DPYD: variants seen among roughly 807,000 people sequenced by gnomAD.
DPYD encodes dihydropyrimidine dehydrogenase, also known as dihydropyrimidine dehydrogenase [NADP(+)].
Under a neutral mutation model 116.2 loss-of-function variants are expected in DPYD, and 109 were observed. The ratio of observed to expected loss-of-function variants is 0.94; its 90% confidence interval spans 0.80 to 1.10. The LOEUF (loss-of-function observed/expected upper bound fraction) is 1.10. Among genes scored for constraint, DPYD ranks in the 50% least tolerant of loss-of-function variants. The pLI is 0.00. For missense variants in DPYD, 1,302 were observed against 1,254.5 expected (o/e 1.04, Z -0.57); for synonymous variants, 440 against 432.0 (o/e 1.02, Z -0.23).
At chr1:97,800,271 TTATC>T (rs1324713026) in intron 3 of DPYD, among the ~76,000 whole-genome samples, 2 of 151,948 alleles carry the variant, frequency 1.3e-5, no homozygotes, top group South Asian at 2.1e-4. Context: ...TTATTTTTTC[TTATC>T]TATTTACTTC....
intron 1 of DPYD, among the ~76,000 whole-genome samples, chr1:97,897,597 T>C (rs1673145739): frequency 6.6e-6 from 1 of 151,896 alleles, no homozygotes; most frequent in African/African-American, 2.4e-5. Context: ...TTTTTATTGC[T>C]ATGTCCTCAA....
At chr1:97,626,475 AC>A (rs1656937335) in intron 8 of DPYD, among the ~76,000 whole-genome samples, 1 of 152,014 alleles carries the variant, frequency 6.6e-6, no homozygotes, top group African/African-American at 2.4e-5. Flanking sequence ...ACATAAAAAA[AC>A]ATACAATGAC....
intron 5 of DPYD, among the ~76,000 whole-genome samples, chr1:97,714,523 C>T (rs1449360892): frequency 6.6e-6 from 1 of 151,840 alleles, no homozygotes; most frequent in Non-Finnish European, 1.5e-5. Flanking sequence ...TAGACCCCTT[C>T]TAAGGCCTTG....
chr1:97,673,102 TA>T (rs1659959156), intron 8 of DPYD, among the ~76,000 whole-genome samples: 2 of 152,054 alleles, frequency 1.3e-5, no homozygotes, highest in African/African-American at 4.8e-5. Context: ...TTGCACTTGT[TA>T]TTTTTTTTTT....
At chr1:97,400,182 C>T (rs1025668991) in intron 14 of DPYD, among the ~76,000 whole-genome samples, 1 of 152,106 alleles carries the variant, frequency 6.6e-6, no homozygotes, top group Non-Finnish European at 1.5e-5. Context: ...TTGTCAAAGG[C>T]CTTTTCTGCA....
chr1:97,334,515 T>C (rs957728197), intron 16 of DPYD, among the ~76,000 whole-genome samples: 7 of 152,230 alleles, frequency 4.6e-5, no homozygotes, highest in Non-Finnish European at 1.0e-4. Context: ...ACATGCATAT[T>C]GCGTGGTCTG....
At chr1:97,782,463 T>C (rs1381092256) in intron 3 of DPYD, among the ~76,000 whole-genome samples, 1 of 152,204 alleles carries the variant, frequency 6.6e-6, no homozygotes, top group Admixed American at 6.5e-5. Flanking sequence ...TCCTGGATCA[T>C]GGGACCCCAT....
intron 6 of DPYD, 58 bp downstream of exon 6, chr1:97,699,293 T>C: frequency 1.3e-6 from 2 of 1,518,522 alleles, no homozygotes; most frequent in Non-Finnish European, 9.1e-7. Flanking sequence ...ACAATATTCA[T>C]AATTGTTTTG....
At chr1:97,907,106 A>C (rs549518108) in intron 1 of DPYD, among the ~76,000 whole-genome samples, 1 of 152,244 alleles carries the variant, frequency 6.6e-6, no homozygotes, top group Non-Finnish European at 1.5e-5. Context: ...TGGGCTGGGC[A>C]GGAAGGAGCG....
intron 1 of DPYD, among the ~76,000 whole-genome samples, chr1:97,894,509 C>T (rs1571545233): frequency 6.6e-6 from 1 of 151,530 alleles, no homozygotes; most frequent in Admixed American, 6.6e-5. Flanking sequence ...GTTGACTGTA[C>T]CATTTTATTT....
At chr1:97,553,608 T>G (rs1001186114) in intron 11 of DPYD, among the ~76,000 whole-genome samples, 1 of 152,104 alleles carries the variant, frequency 6.6e-6, no homozygotes, top group African/African-American at 2.4e-5. Flanking sequence ...ACCAAATAAC[T>G]GCTTGCCATT....
intron 20 of DPYD, among the ~76,000 whole-genome samples, chr1:97,127,516 C>G (rs1285262675): frequency 6.6e-6 from 1 of 152,066 alleles, no homozygotes; most frequent in Admixed American, 6.6e-5. Flanking sequence ...CCCATTCCAC[C>G]TCCTTTTCCT....
At chr1:97,574,038 A>G in intron 10 of DPYD, 68 bp from the exon 11 acceptor site, 1 of 1,579,606 alleles carries the variant, frequency 6.3e-7, no homozygotes, top group African/African-American at 1.4e-5. Flanking sequence ...TTGATTTCTA[A>G]TTGAATTACA....
chr1:97,577,094 G>A (rs1653313589), intron 10 of DPYD, among the ~76,000 whole-genome samples: 1 of 152,148 alleles, frequency 6.6e-6, no homozygotes, highest in African/African-American at 2.4e-5. Context: ...AAAACACAGG[G>A]TAAACTTGTA....
chr1:97,717,429 CAGAAATTT>C (rs1437654363), intron 5 of DPYD, among the ~76,000 whole-genome samples: 1 of 152,062 alleles, frequency 6.6e-6, no homozygotes, highest in East Asian at 1.9e-4. Context: ...CTTAAAACCA[CAGAAATTT>C]CTTACATTTT....
intron 4 of DPYD, among the ~76,000 whole-genome samples, chr1:97,732,065 G>A (rs1398401977): frequency 1.3e-5 from 2 of 151,946 alleles, no homozygotes; most frequent in South Asian, 4.1e-4. Context: ...ACTTATAGTT[G>A]TTTACATTTT....
chr1:97,336,389 G>A (rs1302460164), intron 16 of DPYD, among the ~76,000 whole-genome samples: 1 of 152,154 alleles, frequency 6.6e-6, no homozygotes, highest in Non-Finnish European at 1.5e-5. Context: ...CTGAGGTGTC[G>A]ATACCTACTA....
intron 20 of DPYD, among the ~76,000 whole-genome samples, chr1:97,160,327 G>A (rs556017382): frequency 2.5e-5 from 1 of 39,774 alleles, no homozygotes; most frequent in East Asian, 7.3e-4. Context: ...CACTTGAAAT[G>A]CAAGATGGAA....
intron 4 of DPYD, among the ~76,000 whole-genome samples, chr1:97,732,593 T>C (rs1391189973): frequency 1.3e-5 from 2 of 152,022 alleles, no homozygotes; most frequent in East Asian, 3.8e-4. Flanking sequence ...TATCCATCTA[T>C]CCTTTTCACA....
Sources: allele counts gnomAD v4.1 joint callset (sites outside exome capture counted in the v4.1 genomes callset), GRCh38; gene constraint gnomAD v4.1.1; transcripts MANE v1.5; gene names NCBI Gene and HGNC (gene_info 2026-07-23, HGNC 2026-07-21).